The following SGCZ variants were observed in gnomAD, a reference collection of about 807,000 sequenced individuals.
SGCZ encodes the protein sarcoglycan zeta.
In SGCZ, 40 loss-of-function variants were observed where a neutral mutation model predicts 41.3. The observed-to-expected ratio is 0.97, with a 90% confidence interval of 0.75 to 1.26. The LOEUF is 1.26. Among genes scored for constraint, SGCZ ranks in the 50% most tolerant of loss-of-function variants. The pLI, the probability that SGCZ is intolerant of heterozygous loss-of-function variation, is 0.00. For missense variants in SGCZ, 552 were observed against 369.8 expected, an observed-to-expected ratio of 1.49 and a Z score of -4.04; for synonymous variants, 206 against 137.5, an observed-to-expected ratio of 1.50 and a Z score of -3.49.
chr8:14,816,609 T>C (rs1801909018), intron 1 of SGCZ, among the ~76,000 whole-genome samples: 1 of 152,224 alleles, frequency 6.6e-6, no homozygotes, highest in African/African-American at 2.4e-5. Context: ...TTCTCAGTTA[T>C]ACTAAGTTAC....
At chr8:14,598,979 A>T (rs1382123133) in intron 1 of SGCZ, among the ~76,000 whole-genome samples, 2 of 152,064 alleles carry the variant, frequency 1.3e-5, no homozygotes, top group Admixed American at 6.6e-5. Context: ...TTAATTTTTG[A>T]TCATTTCAAT....
intron 2 of SGCZ, among the ~76,000 whole-genome samples, chr8:14,336,362 C>T (rs764634582): frequency 6.6e-6 from 1 of 152,088 alleles, no homozygotes; most frequent in Non-Finnish European, 1.5e-5. Context: ...TATGTTGATT[C>T]TATGTCTTTG....
At chr8:14,221,770 T>C (rs571221283) in intron 4 of SGCZ, among the ~76,000 whole-genome samples, 2 of 152,134 alleles carry the variant, frequency 1.3e-5, no homozygotes, top group African/African-American at 2.4e-5. Flanking sequence ...ACCTCATCTG[T>C]ACAAAAAATA....
At chr8:15,235,122 T>C (rs976167896) in intron 1 of SGCZ, among the ~76,000 whole-genome samples, 3 of 152,152 alleles carry the variant, frequency 2.0e-5, no homozygotes, top group Admixed American at 6.5e-5. Context: ...GGGAGGCTCT[T>C]CAGCAAGAAG....
At chr8:14,107,270 G>A (rs1404058017) in intron 6 of SGCZ, among the ~76,000 whole-genome samples, 1 of 151,506 alleles carries the variant, frequency 6.6e-6, no homozygotes, top group African/African-American at 2.4e-5. Flanking sequence ...GAGCAGTTTT[G>A]TATTAGGGAT....
chr8:14,679,780 T>G (rs1051755369), intron 1 of SGCZ, among the ~76,000 whole-genome samples: 8 of 152,074 alleles, frequency 5.3e-5, no homozygotes, highest in African/African-American at 1.9e-4. Context: ...ACTAGCCACC[T>G]ACTCACCCAG....
chr8:14,703,343 G>A (rs979721552), intron 1 of SGCZ, among the ~76,000 whole-genome samples: 1 of 151,908 alleles, frequency 6.6e-6, no homozygotes. Context: ...CTCAGGGTGT[G>A]TGTTCCCTTC....
At chr8:14,513,817 C>A (rs1332495287) in intron 2 of SGCZ, among the ~76,000 whole-genome samples, 1 of 152,036 alleles carries the variant, frequency 6.6e-6, no homozygotes, top group Non-Finnish European at 1.5e-5. Context: ...TTGAATCTTC[C>A]TCCCTCTATG....
intron 1 of SGCZ, among the ~76,000 whole-genome samples, chr8:14,819,195 C>T (rs1414256950): frequency 2.6e-5 from 4 of 151,284 alleles, no homozygotes; most frequent in African/African-American, 9.7e-5. Context: ...TGTCAAGTCA[C>T]ATATAAGGGA....
At chr8:14,637,258 C>T (rs945286627) in intron 1 of SGCZ, among the ~76,000 whole-genome samples, 1 of 151,712 alleles carries the variant, frequency 6.6e-6, no homozygotes, top group Non-Finnish European at 1.5e-5. Flanking sequence ...ACCAGCACTT[C>T]AATTCATTAT....
chr8:14,287,940 T>G (rs879661742), intron 3 of SGCZ, among the ~76,000 whole-genome samples: 1 of 152,152 alleles, frequency 6.6e-6, no homozygotes, highest in African/African-American at 2.4e-5. Flanking sequence ...GATTTATTCC[T>G]CTTCGGTGAA....
At chr8:14,977,413 A>G (rs570023671) in intron 1 of SGCZ, among the ~76,000 whole-genome samples, 7 of 152,332 alleles carry the variant, frequency 4.6e-5, no homozygotes, top group African/African-American at 1.7e-4. Context: ...TATGCTGAAA[A>G]ACATTACTTT....
In SGCZ at chr8:14,906,930, A is replaced by G. The variant is rs961131192; in HGVS notation, c.39+330655T>C. On this transcript the variant is annotated intron_variant, in intron 1 of 7. Coordinates refer to ENST00000382080, the MANE Select transcript of SGCZ (RefSeq NM_139167.4). ...ATGGAGTCAAAGTATTTTCAAATAC[A>G]TATACTTTAAAAAAGGTGATATTTC... Among the ~76,000 whole-genome samples the G allele has an allele frequency of 1.3e-5, 2 of 152,358 alleles. 1 individual carries two copies. Among genetic ancestry groups the G allele is most frequent in the Admixed American group, 1.3e-4 (2 of 15,302 alleles).
chr8:14,383,588 G>C (rs938999520), intron 2 of SGCZ, among the ~76,000 whole-genome samples: 2 of 152,196 alleles, frequency 1.3e-5, no homozygotes, highest in African/African-American at 2.4e-5. Context: ...TAAATGTTAA[G>C]GTGCTCCCAG....
At chr8:14,685,359 A>C (rs930490378) in intron 1 of SGCZ, among the ~76,000 whole-genome samples, 2 of 152,160 alleles carry the variant, frequency 1.3e-5, no homozygotes, top group Non-Finnish European at 2.9e-5. Context: ...CAAAGATAGA[A>C]GTCTAGCTTG....
At position 14,090,542 on chromosome 8, in the gene SGCZ, C is replaced by T; in HGVS notation, c.840G>A (p.Val280=). Residue 280 remains valine, a synonymous_variant, in exon 8 of 8, where the codon GTG becomes GTA. Transcript: ENST00000382080. The stretch of plus-strand genomic sequence containing the variant: ...CATTGGGGCAGACGCAGAGTTCATA[C>T]ACTGTCTGTCGAGAACTTGAGGAGC... The part of the protein sequence containing the change: ...SPSSSSSRQT[V]YELCVCPNGK... 1.2e-6 allele frequency: 2 copies of T among 1,613,132 alleles called. No homozygotes were observed. Among genetic ancestry groups the T allele is most frequent in the Non-Finnish European group, 1.7e-6 (2 of 1,179,444 alleles).
At chr8:14,697,880 G>C (rs1809016199) in intron 1 of SGCZ, among the ~76,000 whole-genome samples, 1 of 151,898 alleles carries the variant, frequency 6.6e-6, no homozygotes, top group Admixed American at 6.6e-5. Flanking sequence ...ATTCTTGGTT[G>C]CTTTCTGTTT....
At chr8:14,969,785 C>A (rs549008550) in intron 1 of SGCZ, among the ~76,000 whole-genome samples, 8 of 151,936 alleles carry the variant, frequency 5.3e-5, no homozygotes, top group Non-Finnish European at 1.2e-4. Context: ...ATTCATTCAC[C>A]TGTTGATGGA....
At chr8:14,831,789 T>TGTGTACACATACATGTATATAG (rs1554508421) in intron 1 of SGCZ, among the ~76,000 whole-genome samples, 1 of 30,988 alleles carries the variant, frequency 3.2e-5, no homozygotes, top group Non-Finnish European at 9.0e-5. Flanking sequence ...CGTATATATG[T>TGTGTACACATACATGTATATAG]GTGTACACAT....
Sources: gnomAD v4.1 joint callset for allele counts (sites outside exome capture counted in the v4.1 genomes callset) on GRCh38, gnomAD v4.1.1 for gene constraint, MANE v1.5 for transcripts, NCBI Gene and HGNC (gene_info 2026-07-23, HGNC 2026-07-21) for gene names.